HSPA12A: variants seen among roughly 807,000 people sequenced by gnomAD.
HSPA12A encodes heat shock protein family A (Hsp70) member 12A.
A neutral mutation model predicts 69.2 loss-of-function variants in HSPA12A; 28 were observed. The ratio of observed to expected loss-of-function variants is 0.40; its 90% CI spans 0.30 to 0.55. The LOEUF is 0.55. Ranked by LOEUF, HSPA12A falls within the 20% of genes least tolerant of loss-of-function variation. The pLI is 0.38. For missense variants in HSPA12A, 686 were observed against 900.7 expected, an observed-to-expected ratio of 0.76 and a Z score of 3.05; for synonymous variants, 345 against 370.5, an observed-to-expected ratio of 0.93 and a Z score of 0.79.
intron 2 of HSPA12A, among the ~76,000 whole-genome samples, chr10:116,778,184 C>T (rs181120496): frequency 1.3e-5 from 2 of 152,228 alleles, no homozygotes; most frequent in Middle Eastern, 3.4e-3. Flanking sequence ...GACACTAGTC[C>T]CAAGATGGTT....
intron 6 of HSPA12A, among the ~76,000 whole-genome samples, chr10:116,685,178 C>G (rs1849542393): frequency 6.6e-6 from 1 of 152,156 alleles, no homozygotes; most frequent in African/African-American, 2.4e-5. Context: ...GTATCAGACC[C>G]CTGGGGTTTA....
At chr10:116,816,759 G>C (rs1342577692) in intron 2 of HSPA12A, among the ~76,000 whole-genome samples, 1 of 152,164 alleles carries the variant, frequency 6.6e-6, no homozygotes, top group Non-Finnish European at 1.5e-5. Context: ...AAATACCAGA[G>C]GGTTAAAATT....
chr10:116,680,472 G>A (rs746059738), intron 9 of HSPA12A, among the ~76,000 whole-genome samples: 130 of 152,170 alleles, frequency 8.5e-4, no homozygotes, highest in Non-Finnish European at 1.6e-3. Flanking sequence ...TCCCAAAAGG[G>A]AAACAGCATG....
At chr10:116,703,163 C>T (rs1232056790) in intron 3 of HSPA12A, among the ~76,000 whole-genome samples, 2 of 152,114 alleles carry the variant, frequency 1.3e-5, no homozygotes, top group Non-Finnish European at 2.9e-5. Context: ...ACACCAAGGG[C>T]GATGCTGTCA....
At chr10:116,811,121 GT>G (rs1474902828) in intron 2 of HSPA12A, among the ~76,000 whole-genome samples, 1 of 152,138 alleles carries the variant, frequency 6.6e-6, no homozygotes, top group Non-Finnish European at 1.5e-5. Context: ...GAACTAATGG[GT>G]GAGCAACAGC....
Position 116,848,404 on chromosome 10 carries a change from CTG to C in HSPA12A, c.3+1160_3+1161del, listed in dbSNP as rs201536309. 1.5e-3 allele frequency among the ~76,000 whole-genome samples: 228 copies of C among 152,342 alleles called. 2 individuals carry two copies. Among genetic ancestry groups the C allele is most frequent in the Admixed American group, 0.013 (196 of 15,304 alleles). On this transcript the variant is annotated intron_variant, in intron 1 of 12. Coordinates refer to the HSPA12A transcript ENST00000635765. ...CCATACGTGCATGTATTGAAAATAACTGTGTTTCAAAGTGCTTTCTCACTCAC... is the reference window on the plus strand; with the variant it reads ...CCATACGTGCATGTATTGAAAATAACTGTTTCAAAGTGCTTTCTCACTCAC...
At chr10:116,783,155 G>T (rs1844500647) in intron 2 of HSPA12A, among the ~76,000 whole-genome samples, 1 of 152,324 alleles carries the variant, frequency 6.6e-6, no homozygotes, top group Middle Eastern at 3.4e-3. Flanking sequence ...TGTTTCTCCA[G>T]GAAGTGCCAA....
At chr10:116,705,319 G>A (rs1554882262) in intron 2 of HSPA12A, 41 bp from the exon 3 acceptor site, 2 of 1,612,298 alleles carry the variant, frequency 1.2e-6, no homozygotes, top group Non-Finnish European at 8.5e-7. Flanking sequence ...TGGAGGGGTG[G>A]GCCTGGCTTT....
At chr10:116,707,830 T>C (rs782218376) in intron 1 of HSPA12A, among the ~76,000 whole-genome samples, 2 of 152,050 alleles carry the variant, frequency 1.3e-5, no homozygotes, top group Non-Finnish European at 2.9e-5. Context: ...CACCAGCTCC[T>C]CCCTCCCCCT....
intron 2 of HSPA12A, among the ~76,000 whole-genome samples, chr10:116,775,455 G>T (rs1351707489): frequency 6.6e-6 from 1 of 152,204 alleles, no homozygotes; most frequent in African/African-American, 2.4e-5. Flanking sequence ...TCTGTAGCTG[G>T]AAATGGCCAA....
intron 2 of HSPA12A, among the ~76,000 whole-genome samples, chr10:116,808,911 G>T (rs1845120738): frequency 6.6e-6 from 1 of 152,162 alleles, no homozygotes; most frequent in South Asian, 2.1e-4. Context: ...CGGTGCCACT[G>T]ACCAGGCAAC....
In HSPA12A at chr10:116,723,399, A is replaced by G. The variant is rs73377102; in HGVS notation, c.41-16114T>C. Among the ~76,000 whole-genome samples the G allele has an allele frequency of 8.6e-3, 1,302 of 152,240 alleles. 16 individuals are homozygous for G. Among genetic ancestry groups the G allele is most frequent in the African/African-American group, 0.03 (1,246 of 41,550 alleles). On this transcript the variant is annotated intron_variant, in intron 1 of 11. Coordinates refer to ENST00000369209, the MANE Select transcript of HSPA12A (RefSeq NM_025015.3). This position sits in a 1 kb window ranked among gnomAD's most constrained non-coding sequence, Gnocchi z 4.1. ...TGCCCTCCAAATAGGCACAGCCCCA[A>G]GCTGTTCTTCCAGGGGCAGGGGACG...
chr10:116,732,014 G>T (rs556563866), intron 1 of HSPA12A, among the ~76,000 whole-genome samples: 1 of 152,194 alleles, frequency 6.6e-6, no homozygotes, highest in African/African-American at 2.4e-5. Flanking sequence ...AGGAGGGGTG[G>T]GTGACATGCA....
At chr10:116,750,938 A>G (rs1216120141) in intron 2 of HSPA12A, among the ~76,000 whole-genome samples, 1 of 151,958 alleles carries the variant, frequency 6.6e-6, no homozygotes, top group Non-Finnish European at 1.5e-5. Flanking sequence ...GTACCACTGC[A>G]CTCCAACTTG....
At chr10:116,848,727 G>A (rs1845954657) in intron 1 of HSPA12A, among the ~76,000 whole-genome samples, 1 of 137,428 alleles carries the variant, frequency 7.3e-6, no homozygotes, top group Non-Finnish European at 1.6e-5. Context: ...GCATTCTGGA[G>A]AGGGAACGTG....
chr10:116,696,049 G>T, intron 5 of HSPA12A, among the ~76,000 whole-genome samples: 1 of 149,546 alleles, frequency 6.7e-6, no homozygotes, highest in Admixed American at 6.7e-5. Flanking sequence ...GGAGTGCGTG[G>T]GCTCTTTCAA....
At chr10:116,781,626 T>A (rs1218633197) in intron 2 of HSPA12A, among the ~76,000 whole-genome samples, 2 of 152,132 alleles carry the variant, frequency 1.3e-5, no homozygotes, top group African/African-American at 4.8e-5. Flanking sequence ...CCATCCGTGG[T>A]GTGGTGATTG....
At position 116,828,364 on chromosome 10, in the gene HSPA12A, C is replaced by T. The variant is rs1845549797; in HGVS notation, c.91+6571G>A. 2.0e-5 allele frequency among the ~76,000 whole-genome samples: 3 copies of T among 152,170 alleles called. No homozygotes were observed. The South Asian group carries it at 6.2e-4, about 32-fold the overall frequency. On this transcript the variant is annotated intron_variant, in intron 2 of 12. Coordinates refer to the HSPA12A transcript ENST00000635765. ...CACCTCCTGGCCTGTGGTAGACAGG[C>T]AGGAAGGACATGGCTGCGAGGCATG...
intron 1 of HSPA12A, among the ~76,000 whole-genome samples, chr10:116,714,077 G>A (rs1352257232): frequency 6.6e-6 from 1 of 151,642 alleles, no homozygotes; most frequent in Non-Finnish European, 1.5e-5. Flanking sequence ...GTGGGTGGGT[G>A]GGTGAGTGGA....
Sources: allele counts gnomAD v4.1 joint callset (sites outside exome capture counted in the v4.1 genomes callset), GRCh38; gene constraint gnomAD v4.1.1; non-coding constraint Gnocchi (gnomAD v3.1); transcripts MANE v1.5; gene names NCBI Gene and HGNC (gene_info 2026-07-23, HGNC 2026-07-21).